The following ATF7IP variants were observed in gnomAD, a reference collection of about 807,000 sequenced individuals.
ATF7IP encodes activating transcription factor 7-interacting protein 1.
A neutral mutation model predicts 106.4 loss-of-function variants in ATF7IP; 23 were observed. That is an observed-to-expected ratio of 0.22 (90% CI 0.16 to 0.31). ATF7IP has a LOEUF of 0.31. ATF7IP is among the 10% of genes least tolerant of loss of function. The pLI, the probability that ATF7IP is intolerant of heterozygous loss-of-function variation, is 1.00. For missense variants in ATF7IP, 1,334 were observed against 1,524.3 expected, an observed-to-expected ratio of 0.88 and a Z score of 2.08; for synonymous variants, 542 against 539.0, an observed-to-expected ratio of 1.01 and a Z score of -0.08.
intron 1 of ATF7IP, among the ~76,000 whole-genome samples, chr12:14,406,702 T>C (rs1477026341): frequency 6.7e-6 from 1 of 149,920 alleles, no homozygotes; most frequent in African/African-American, 2.5e-5. Flanking sequence ...TCTCGCTCTT[T>C]TGCCCAGGCT....
intron 13 of ATF7IP, among the ~76,000 whole-genome samples, chr12:14,493,297 A>T (rs1386374629): frequency 6.6e-6 from 1 of 152,190 alleles, no homozygotes; most frequent in Non-Finnish European, 1.5e-5. Flanking sequence ...AAAGAACTCA[A>T]AACAGTTCTC....
intron 5 of ATF7IP, among the ~76,000 whole-genome samples, chr12:14,445,305 C>T (rs1591876911): frequency 6.6e-6 from 1 of 151,482 alleles, no homozygotes; most frequent in Admixed American, 6.6e-5. Flanking sequence ...TATGATTTGA[C>T]TAAAGAAAAA....
intron 10 of ATF7IP, among the ~76,000 whole-genome samples, chr12:14,471,486 A>G (rs1193922297): frequency 6.6e-6 from 1 of 152,184 alleles, no homozygotes; most frequent in African/African-American, 2.4e-5. Context: ...TACTTTTATC[A>G]TTATAAAGTT....
chr12:14,496,593 A>G (rs1475804080), intron 14 of ATF7IP, among the ~76,000 whole-genome samples: 3 of 152,226 alleles, frequency 2.0e-5, no homozygotes, highest in Admixed American at 1.3e-4. Flanking sequence ...GTTGGGGTAT[A>G]TGAAGTGAAA....
rs761046218 is a variant in ATF7IP at position 14,496,354 on chromosome 12, A to T, written c.3393+11A>T. On this transcript the variant is annotated intron_variant, in intron 14 of 14. Transcript: ENST00000261168. ...CCACAAGTGCATACTGTAAGTGTTG[A>T]TGCTTGGTTTTGCAAAATTCTCAAC... The T allele has an allele frequency of 3.8e-6, 6 of 1,599,952 alleles. No homozygotes were observed. In the African/African-American group the frequency reaches 8.0e-5, roughly 21 times the overall value.
chr12:14,488,246 T>A (rs1042252339), intron 13 of ATF7IP, among the ~76,000 whole-genome samples: 4 of 152,026 alleles, frequency 2.6e-5, no homozygotes, highest in Admixed American at 1.3e-4. Flanking sequence ...TAGTATATTT[T>A]TATATATATC....
At chr12:14,459,298 A>G (rs576157169) in intron 8 of ATF7IP, among the ~76,000 whole-genome samples, 51 of 152,264 alleles carry the variant, frequency 3.3e-4, no homozygotes, top group African/African-American at 1.1e-3. Context: ...TTCCTTAACT[A>G]TCCTACTTTG....
intron 6 of ATF7IP, among the ~76,000 whole-genome samples, chr12:14,455,908 A>T (rs1052496293): frequency 2.6e-5 from 4 of 152,084 alleles, no homozygotes; most frequent in Non-Finnish European, 4.4e-5. Flanking sequence ...GAGATAAATG[A>T]TGATAGTGTT....
chr12:14,408,941 A>G (rs906864704), intron 1 of ATF7IP, among the ~76,000 whole-genome samples: 6 of 152,116 alleles, frequency 3.9e-5, no homozygotes, highest in African/African-American at 1.4e-4. Flanking sequence ...GCTCAACACT[A>G]CGTAGTTCAC....
chr12:14,374,892 C>T (rs1938671516), intron 1 of ATF7IP, among the ~76,000 whole-genome samples: 1 of 151,962 alleles, frequency 6.6e-6, no homozygotes, highest in African/African-American at 2.4e-5. Flanking sequence ...TTATTCCTTT[C>T]CACTTTTATA....
At chr12:14,382,836 G>A (rs372930437) in intron 1 of ATF7IP, among the ~76,000 whole-genome samples, 2 of 152,164 alleles carry the variant, frequency 1.3e-5, no homozygotes, top group African/African-American at 4.8e-5. Flanking sequence ...ATGATGATAT[G>A]CATAAAAGAT....
chr12:14,381,081 C>CCCT (rs1938984271), intron 1 of ATF7IP, among the ~76,000 whole-genome samples: 1 of 152,174 alleles, frequency 6.6e-6, no homozygotes, highest in Non-Finnish European at 1.5e-5. Context: ...TCTCTCTGCT[C>CCCT]CCTTCACTCT....
At chr12:14,472,368 A>C (rs1944083236) in intron 10 of ATF7IP, among the ~76,000 whole-genome samples, 1 of 152,244 alleles carries the variant, frequency 6.6e-6, no homozygotes, top group Non-Finnish European at 1.5e-5. Context: ...TTTGTTATTT[A>C]GAAAATAAAA....
chr12:14,418,212 C>T (rs571159780), intron 1 of ATF7IP, among the ~76,000 whole-genome samples: 75 of 151,704 alleles, frequency 4.9e-4, no homozygotes, highest in African/African-American at 1.5e-3. Flanking sequence ...ATATAAATTT[C>T]TATAGAAAAA....
At chr12:14,417,272 C>T (rs1941255369) in intron 1 of ATF7IP, among the ~76,000 whole-genome samples, 1 of 152,140 alleles carries the variant, frequency 6.6e-6, no homozygotes, top group Admixed American at 6.5e-5. Context: ...AGTAATTGTA[C>T]TTATACCACT....
chr12:14,373,696 A>G (rs1938617738), intron 1 of ATF7IP, among the ~76,000 whole-genome samples: 1 of 152,198 alleles, frequency 6.6e-6, no homozygotes, highest in Non-Finnish European at 1.5e-5. Context: ...AAAGTACTTC[A>G]TAATTTGGTA....
intron 1 of ATF7IP, among the ~76,000 whole-genome samples, chr12:14,401,249 A>G (rs1303755735): frequency 6.6e-6 from 1 of 151,112 alleles, no homozygotes; most frequent in Non-Finnish European, 1.5e-5. Context: ...AGGTTGGAAT[A>G]TAGTCGTGTG....
In ATF7IP at chr12:14,498,223, C is replaced by A; in HGVS notation, c.*150C>A. On this transcript the variant is annotated 3_prime_UTR_variant, in exon 15 of 15. Transcript: ENST00000261168. Reference sequence around the variant, plus strand: ...CACTACATTTGTTTATAACCAGAAGCAAAATAAACTCAGCCCACAAAGCTA... The same window carrying A: ...CACTACATTTGTTTATAACCAGAAGAAAAATAAACTCAGCCCACAAAGCTA... The A allele has an allele frequency of 2.8e-6, 2 of 720,726 alleles. No individual in the cohort carries two copies. The highest frequency in any genetic ancestry group is 4.5e-6 in the Non-Finnish European group (2 of 448,448). The allele number at this position is 720,726 out of a possible 1,614,324, so 44.6% of individuals were successfully genotyped here.
chr12:14,493,001 A>G (rs550855789), intron 13 of ATF7IP, among the ~76,000 whole-genome samples: 2 of 152,320 alleles, frequency 1.3e-5, no homozygotes, highest in East Asian at 1.9e-4. Context: ...TACCATCCCA[A>G]TCTCCTTAGT....
Sources: allele counts gnomAD v4.1 joint callset (sites outside exome capture counted in the v4.1 genomes callset), GRCh38; gene constraint gnomAD v4.1.1; transcripts MANE v1.5; gene names NCBI Gene and HGNC (gene_info 2026-07-23, HGNC 2026-07-21).